The following GABPB2 variants were observed in gnomAD, a reference collection of about 807,000 sequenced individuals.
GABPB2 encodes the protein GA binding protein transcription factor subunit beta 2.
A neutral mutation model predicts 39.1 loss-of-function variants in GABPB2; 23 were observed. That is an observed-to-expected ratio of 0.59 (90% CI 0.42 to 0.83). The LOEUF (loss-of-function observed/expected upper bound fraction) is 0.83. GABPB2 is among the 40% of genes least tolerant of loss of function. The pLI is 0.00. For missense variants in GABPB2, 467 were observed against 541.1 expected, an observed-to-expected ratio of 0.86 and a Z score of 1.36; for synonymous variants, 184 against 199.3, an observed-to-expected ratio of 0.92 and a Z score of 0.65.
intron 5 of GABPB2, among the ~76,000 whole-genome samples, chr1:151,100,045 A>G (rs751043010): frequency 1.3e-5 from 2 of 152,212 alleles, no homozygotes; most frequent in Non-Finnish European, 2.9e-5. Flanking sequence ...ATTCAGCAGG[A>G]TGATACAAAA....
At chr1:151,082,388 ATTTCTTTTTTTTT>A (rs1355963798) in intron 1 of GABPB2, among the ~76,000 whole-genome samples, 1 of 124,546 alleles carries the variant, frequency 8.0e-6, no homozygotes, top group African/African-American at 3.1e-5. Flanking sequence ...ACAAGTGGTA[ATTTCTTTTTTTTT>A]TTTTTTTTTT....
chr1:151,081,094 C>T (rs969923351), intron 1 of GABPB2, among the ~76,000 whole-genome samples: 27 of 150,768 alleles, frequency 1.8e-4, no homozygotes, highest in Admixed American at 5.9e-4. Context: ...AGGATGGTCT[C>T]GGTCTCCTGA....
chr1:151,107,074 C>T lies in GABPB2; in HGVS notation c.774C>T (p.Asp258=). 6.2e-7 allele frequency: 1 copy of T among 1,610,678 alleles called. No homozygotes were observed. The highest frequency in any genetic ancestry group is 8.5e-7 in the Non-Finnish European group (1 of 1,178,814). Residue 258 remains aspartate, a synonymous_variant, in exon 7 of 9, where the codon GAC becomes GAT. Coordinates refer to ENST00000368918, the MANE Select transcript of GABPB2 (RefSeq NM_144618.3). ...TEEIIEGNSV[D]SSIQQVMGSG... The stretch of plus-strand genomic sequence containing the variant: ...AAATTATAGAAGGAAATTCCGTTGA[C>T]TCATCAATCCAGCAAGTAATGGGGA...
chr1:151,121,118 CT>C lies in GABPB2; in HGVS notation c.*2866del, dbSNP rs932172051. 9.9e-5 allele frequency: 15 copies of C among 152,128 alleles called. No individual in the cohort carries two copies. The highest frequency in any genetic ancestry group is 3.4e-4 in the African/African-American group (14 of 41,430). The allele number at this position is 152,128 out of a possible 1,614,324, so 9.4% of individuals were successfully genotyped here. On this transcript the variant is annotated 3_prime_UTR_variant, in exon 9 of 9. Coordinates refer to ENST00000368918, the MANE Select transcript of GABPB2 (RefSeq NM_144618.3). ...TAAGTGTCATTTAGGACATATTGTGCTTTTCTGTGGAGCTTATATCTTATCC... is the reference window on the plus strand; with the variant it reads ...TAAGTGTCATTTAGGACATATTGTGCTTTCTGTGGAGCTTATATCTTATCC...
At chr1:151,080,686 A>G (rs1677605235) in intron 1 of GABPB2, among the ~76,000 whole-genome samples, 1 of 150,126 alleles carries the variant, frequency 6.7e-6, no homozygotes, top group Non-Finnish European at 1.5e-5. Flanking sequence ...CATCTCTACT[A>G]AAAATACAAG....
chr1:151,079,496 A>G (rs1677463993), intron 1 of GABPB2, among the ~76,000 whole-genome samples: 1 of 152,042 alleles, frequency 6.6e-6, no homozygotes, highest in South Asian at 2.1e-4. Flanking sequence ...AGCCATGATT[A>G]TGCCACTGCA....
In GABPB2 at chr1:151,124,870, T is replaced by C. The variant is rs1460288013; in HGVS notation, c.*6614T>C. 6.6e-6 allele frequency: 1 copy of C among 152,178 alleles called. No homozygotes were observed. Among genetic ancestry groups the C allele is most frequent in the East Asian group, 1.9e-4 (1 of 5,192 alleles). 9.4% of individuals were successfully genotyped at this position (152,178 alleles called of 1,614,324 possible). A position where few individuals can be genotyped will look rare whatever the true frequency, so the allele number is the denominator to read the frequency against. On this transcript the variant is annotated 3_prime_UTR_variant, in exon 9 of 9. Transcript: ENST00000368918. Reference sequence around the variant, plus strand: ...GTCTTATTTTTTAGCCTCTTTAGTATTAGGGGGTGAGGTGACATTCCTAGA... The same window carrying C: ...GTCTTATTTTTTAGCCTCTTTAGTACTAGGGGGTGAGGTGACATTCCTAGA...
At chr1:151,109,135 A>C (rs1345234556) in intron 7 of GABPB2, among the ~76,000 whole-genome samples, 1 of 151,968 alleles carries the variant, frequency 6.6e-6, no homozygotes, top group East Asian at 1.9e-4. Flanking sequence ...AGGTCGCAGT[A>C]TGCTACCATA....
chr1:151,115,581 T>A (rs893323013), intron 7 of GABPB2, among the ~76,000 whole-genome samples: 1 of 151,354 alleles, frequency 6.6e-6, no homozygotes, highest in African/African-American at 2.4e-5. Context: ...TTGTATTTTT[T>A]GTAGAGATGG....
At chr1:151,111,658 C>T (rs1200545593) in intron 7 of GABPB2, among the ~76,000 whole-genome samples, 26 of 149,910 alleles carry the variant, frequency 1.7e-4, no homozygotes, top group Non-Finnish European at 3.0e-4. Context: ...GTGATCCACC[C>T]GCCTCGGCCT....
intron 7 of GABPB2, among the ~76,000 whole-genome samples, chr1:151,109,611 G>A (rs1027268515): frequency 5.3e-5 from 8 of 150,874 alleles, no homozygotes; most frequent in African/African-American, 1.2e-4. Context: ...CACCCTCCTC[G>A]GCCTCCCAAA....
chr1:151,106,969 G>T, intron 6 of GABPB2, 68 bp from the exon 7 acceptor site: 1 of 1,068,424 alleles, frequency 9.4e-7, no homozygotes, highest in Non-Finnish European at 1.3e-6. Context: ...GGTTCAAGGA[G>T]GTTGAAATTG....
At chr1:151,083,594 A>C (rs890556460) in intron 1 of GABPB2, among the ~76,000 whole-genome samples, 1 of 151,832 alleles carries the variant, frequency 6.6e-6, no homozygotes. Flanking sequence ...TCATCTCGCC[A>C]CTGCACTCCA....
In GABPB2 at chr1:151,103,659, C is replaced by A; in HGVS notation, c.720C>A (p.Asn240Lys). 1 of 1,612,876 alleles carries A rather than the reference C, an allele frequency of 6.2e-7. No homozygotes were observed. Among genetic ancestry groups the A allele is most frequent in the Non-Finnish European group, 8.5e-7 (1 of 1,178,838 alleles). Reference sequence around the variant, plus strand: ...CTGAGGCATCAGTCCCCCTCTCCAACTCACACAGAGCCACAGGTAGGTAAG... The same window carrying A: ...CTGAGGCATCAGTCCCCCTCTCCAAATCACACAGAGCCACAGGTAGGTAAG... ...ALAEASVPLS[N>K]SHRATANTEE... Residue 240 changes from asparagine (N) to lysine (K), a missense_variant, in exon 6 of 9, where the codon AAC becomes AAA. Transcript: ENST00000368918.
chr1:151,082,569 ATT>A (rs1219479375), intron 1 of GABPB2, among the ~76,000 whole-genome samples: 1 of 140,280 alleles, frequency 7.1e-6, no homozygotes, highest in Non-Finnish European at 1.6e-5. Flanking sequence ...TGCCCAGCTA[ATT>A]TTTTTTTTTT....
intron 1 of GABPB2, among the ~76,000 whole-genome samples, chr1:151,082,392 C>CTTTTTTTTTTTTTTTTT: frequency 2.1e-5 from 1 of 48,000 alleles, no homozygotes; most frequent in Non-Finnish European, 3.5e-5. Flanking sequence ...GTGGTAATTT[C>CTTTTTTTTTTTTTTTTT]TTTTTTTTTT....
intron 7 of GABPB2, among the ~76,000 whole-genome samples, chr1:151,108,209 G>T (rs1432395631): frequency 3.9e-5 from 6 of 151,900 alleles, no homozygotes; most frequent in Non-Finnish European, 8.8e-5. Flanking sequence ...CCTCTTTGTT[G>T]CCCAGGCTGG....
intron 5 of GABPB2, among the ~76,000 whole-genome samples, chr1:151,098,940 C>T (rs962082537): frequency 5.3e-5 from 8 of 151,722 alleles, no homozygotes; most frequent in Non-Finnish European, 1.0e-4. Context: ...AAAAATTAGC[C>T]GGCTGTGGTG....
At chr1:151,100,941 G>A (rs1278583539) in intron 5 of GABPB2, among the ~76,000 whole-genome samples, 2 of 151,986 alleles carry the variant, frequency 1.3e-5, no homozygotes, top group Non-Finnish European at 2.9e-5. Context: ...TAGGTAGTGG[G>A]AAAACTTAAA....
Sources: allele counts gnomAD v4.1 joint callset (sites outside exome capture counted in the v4.1 genomes callset), GRCh38; gene constraint gnomAD v4.1.1; transcripts MANE v1.5; gene names NCBI Gene and HGNC (gene_info 2026-07-23, HGNC 2026-07-21).